The following FAM13B variants were observed in gnomAD, a reference collection of about 807,000 sequenced individuals.
FAM13B encodes the protein protein FAM13B.
FAM13B carries 60 observed loss-of-function variants against 117.3 expected under a neutral mutation model. The observed-to-expected ratio is 0.51, with a 90% CI of 0.42 to 0.63. The LOEUF (loss-of-function observed/expected upper bound fraction) is 0.63, where lower values mean the gene tolerates loss of function less well. Ranked by LOEUF, FAM13B falls within the 30% of genes least tolerant of loss-of-function variation. FAM13B has a pLI of 0.00. For synonymous variants in FAM13B, 332 were observed against 356.1 expected (o/e 0.93, Z 0.76); for missense variants, 972 against 1,091.9 (o/e 0.89, Z 1.55).
chr5:137,965,538 T>A (rs898633936), intron 10 of FAM13B, among the ~76,000 whole-genome samples: 1 of 152,208 alleles, frequency 6.6e-6, no homozygotes, highest in Admixed American at 6.5e-5. Context: ...ATTTCTCTCA[T>A]TTACCTTTGG....
At chr5:137,977,027 G>A (rs576915366) in intron 10 of FAM13B, among the ~76,000 whole-genome samples, 24 of 152,200 alleles carry the variant, frequency 1.6e-4, no homozygotes, top group Middle Eastern at 6.8e-3. Context: ...GAGAAATATC[G>A]CTGAATTCTT....
chr5:137,987,628 C>T lies in FAM13B; in HGVS notation c.891-12G>A. ...TTCTTTCTAAAATACTACAAAACAA[C>T]ACGTTTTAGTAAGAAGCAGTCACTC... is the stretch of plus-strand genomic sequence containing the variant. On this transcript the variant is annotated splice_polypyrimidine_tract_variant and intron_variant, in intron 8 of 23. Coordinates refer to ENST00000689681, the MANE Select transcript of FAM13B (RefSeq NM_001385994.1). The T allele has an allele frequency of 1.9e-6, 3 of 1,604,464 alleles. No individual in the cohort carries two copies. The highest frequency in any genetic ancestry group is 3.3e-4 in the Middle Eastern group (2 of 5,988).
chr5:137,998,919 G>A (rs947441147), intron 7 of FAM13B, among the ~76,000 whole-genome samples: 2 of 152,194 alleles, frequency 1.3e-5, no homozygotes, highest in Non-Finnish European at 2.9e-5. Context: ...GGTAGAGATG[G>A]TGCTGCCTGT....
Position 137,959,822 on chromosome 5 carries a change from A to C in FAM13B, c.1294-59T>G. ...TACGGAAGCTTTTCACACCCAGCTT[A>C]AACACATCCAGCACATATCCAAGTG... On this transcript the variant is annotated intron_variant, in intron 12 of 23. Coordinates refer to ENST00000689681, the MANE Select transcript of FAM13B (RefSeq NM_001385994.1). The C allele has an allele frequency of 2.0e-6, 3 of 1,528,750 alleles. No homozygotes were observed. The South Asian group carries it at 3.5e-5, about 18-fold the overall frequency. The allele number at this position is 1,528,750 out of a possible 1,614,324, so 94.7% of individuals were successfully genotyped here. A position where few individuals can be genotyped will look rare whatever the true frequency, so the allele number is the denominator to read the frequency against.
chr5:137,993,105 C>T (rs1313916660), intron 7 of FAM13B, among the ~76,000 whole-genome samples: 1 of 152,132 alleles, frequency 6.6e-6, no homozygotes, highest in African/African-American at 2.4e-5. Flanking sequence ...CAAGAATTTA[C>T]ATATAAGCTG....
chr5:137,953,105 C>T (rs6887522), intron 16 of FAM13B, among the ~76,000 whole-genome samples: 112,306 of 152,114 alleles, frequency 0.74, 42,123 homozygotes, highest in East Asian at 0.97. Context: ...ATTCTAAAAG[C>T]TGCTTTGCCA....
chr5:137,943,470 G>C (rs1317755699), intron 20 of FAM13B, among the ~76,000 whole-genome samples: 1 of 152,220 alleles, frequency 6.6e-6, no homozygotes, highest in Non-Finnish European at 1.5e-5. Context: ...AAATGGGCCA[G>C]GCACGGTGGC....
At chr5:138,045,832 C>G (rs1010668961) in intron 1 of FAM13B, among the ~76,000 whole-genome samples, 2 of 151,576 alleles carry the variant, frequency 1.3e-5, no homozygotes, top group Non-Finnish European at 2.9e-5. Flanking sequence ...GTAATCCCAG[C>G]TACTCTGGAG....
At chr5:138,022,530 A>G (rs1787036477) in intron 1 of FAM13B, among the ~76,000 whole-genome samples, 1 of 152,130 alleles carries the variant, frequency 6.6e-6, no homozygotes. Context: ...CCACATTCCC[A>G]TAACAAATCT....
chr5:137,995,458 T>C lies in FAM13B; in HGVS notation c.849-7143A>G, dbSNP rs996011773. ...ACTAAAATATGCAAAATAGTGCTATTGTTCAATTATCCAATTTGAGAAAAG... is the reference window on the plus strand; with the variant it reads ...ACTAAAATATGCAAAATAGTGCTATCGTTCAATTATCCAATTTGAGAAAAG... On this transcript the variant is annotated intron_variant, in intron 7 of 23. Coordinates refer to ENST00000689681, the MANE Select transcript of FAM13B (RefSeq NM_001385994.1). Among the ~76,000 whole-genome samples, 9 of 152,370 alleles carry C rather than the reference T, an allele frequency of 5.9e-5. 1 individual carries two copies. Among genetic ancestry groups the C allele is most frequent in the Non-Finnish European group, 1.3e-4 (9 of 68,036 alleles).
At chr5:138,032,540 C>A (rs1790393525) in intron 1 of FAM13B, among the ~76,000 whole-genome samples, 1 of 152,210 alleles carries the variant, frequency 6.6e-6, no homozygotes. Flanking sequence ...GCAGCCGCTG[C>A]AAATCCAAGG....
intron 10 of FAM13B, among the ~76,000 whole-genome samples, chr5:137,964,745 T>A (rs1183533512): frequency 3.3e-5 from 5 of 151,612 alleles, no homozygotes; most frequent in Non-Finnish European, 7.4e-5. Flanking sequence ...AACCTTGGTA[T>A]CTCACTCAAA....
intron 6 of FAM13B, among the ~76,000 whole-genome samples, chr5:138,009,080 C>G (rs769528851): frequency 6.6e-6 from 1 of 152,218 alleles, no homozygotes; most frequent in Non-Finnish European, 1.5e-5. Flanking sequence ...GCAGAGGTTG[C>G]AGTGAGCCAA....
At chr5:137,956,710 T>C (rs1488958237) in intron 13 of FAM13B, among the ~76,000 whole-genome samples, 168 bp from the exon 14 acceptor site, 7 of 147,230 alleles carry the variant, frequency 4.8e-5, no homozygotes, top group Non-Finnish European at 1.0e-4. Flanking sequence ...AACTAGATTT[T>C]AACAAACACA....
At chr5:138,006,113 G>A (rs1019536963) in intron 7 of FAM13B, among the ~76,000 whole-genome samples, 13 of 152,022 alleles carry the variant, frequency 8.6e-5, no homozygotes, top group Non-Finnish European at 1.3e-4. Context: ...TAGCCAGGAT[G>A]GTCTCGATCT....
intron 1 of FAM13B, among the ~76,000 whole-genome samples, chr5:138,023,964 T>C (rs993658623): frequency 2.0e-5 from 3 of 152,196 alleles, no homozygotes; most frequent in Admixed American, 6.5e-5. Context: ...AATCTTTCAC[T>C]TGGGACTTGT....
chr5:137,957,411 A>G (rs1452902614), intron 13 of FAM13B, among the ~76,000 whole-genome samples: 1 of 151,922 alleles, frequency 6.6e-6, no homozygotes, highest in African/African-American at 2.4e-5. Context: ...GTAGTGGCAC[A>G]TGTCTGTAAT....
chr5:138,020,611 A>G (rs1433225180), intron 2 of FAM13B, among the ~76,000 whole-genome samples: 2 of 152,202 alleles, frequency 1.3e-5, no homozygotes, highest in Non-Finnish European at 2.9e-5. Context: ...TAAAAGAAAG[A>G]AAAACTCAAA....
chr5:137,985,522 CCA>C (rs1185287891), intron 9 of FAM13B, 133 bp from the exon 10 acceptor site: 1 of 855,938 alleles, frequency 1.2e-6, no homozygotes, highest in Non-Finnish European at 1.7e-6. Flanking sequence ...TCACAAAAAT[CCA>C]CACTTTTATC....
Sources: allele counts gnomAD v4.1 joint callset (sites outside exome capture counted in the v4.1 genomes callset), GRCh38; gene constraint gnomAD v4.1.1; transcripts MANE v1.5; gene names NCBI Gene and HGNC (gene_info 2026-07-23, HGNC 2026-07-21).